PCED1B: variants seen among roughly 807,000 people sequenced by gnomAD.
PCED1B encodes PC-esterase domain-containing protein 1B.
For synonymous variants in PCED1B, 251 were observed against 246.1 expected (o/e 1.02, Z -0.19); for missense variants, 573 against 573.9 (o/e 1.00, Z 0.02).
chr12:47,117,579 T>C (rs997625855), intron 2 of PCED1B, among the ~76,000 whole-genome samples: 8 of 152,216 alleles, frequency 5.3e-5, no homozygotes, highest in Non-Finnish European at 7.3e-5. Flanking sequence ...TGCCACATTT[T>C]CTTAATCCAG....
intron 2 of PCED1B, among the ~76,000 whole-genome samples, chr12:47,163,779 G>A (rs950867401): frequency 5.9e-5 from 9 of 152,144 alleles, no homozygotes; most frequent in Non-Finnish European, 8.8e-5. Flanking sequence ...TCACAATTAT[G>A]TAGGTTGTGA....
In PCED1B at chr12:47,236,353, G is replaced by A. The variant is rs371203659; in HGVS notation, c.1290G>A (p.Arg430=). 51 of 1,595,032 alleles carry A rather than the reference G, an allele frequency of 3.2e-5. No homozygotes were observed. Among genetic ancestry groups the A allele is most frequent in the Admixed American group, 5.4e-5 (3 of 56,004 alleles). The change falls in exon 4 of 4, where the codon AGG becomes AGA. Residue 430 remains arginine (R), a synonymous_variant. Transcript: ENST00000546455. ...KRRAPANPEP[R]PQ The stretch of plus-strand genomic sequence containing the variant: ...GGGCCCCAGCCAATCCTGAGCCAAG[G>A]CCTCAATAGACGGACCTAGGCCTTA...
At chr12:47,172,245 T>C (rs1433349339) in intron 2 of PCED1B, among the ~76,000 whole-genome samples, 2 of 152,112 alleles carry the variant, frequency 1.3e-5, no homozygotes, top group Non-Finnish European at 2.9e-5. Flanking sequence ...GAGATACTTC[T>C]TCCAATTGTT....
intron 2 of PCED1B, among the ~76,000 whole-genome samples, chr12:47,190,165 C>A (rs1942397823): frequency 1.3e-5 from 2 of 152,190 alleles, no homozygotes; most frequent in South Asian, 4.1e-4. Context: ...TTCGTGTAAT[C>A]CTGAGTTGGA....
At chr12:47,128,695 G>A (rs750709574) in intron 2 of PCED1B, among the ~76,000 whole-genome samples, 1 of 152,246 alleles carries the variant, frequency 6.6e-6, no homozygotes, top group Non-Finnish European at 1.5e-5. Context: ...TGCAAAGGAT[G>A]CAGGTGTGGT....
intron 3 of PCED1B, among the ~76,000 whole-genome samples, chr12:47,229,608 C>T (rs1227940538): frequency 6.6e-6 from 1 of 151,914 alleles, no homozygotes; most frequent in East Asian, 1.9e-4. Flanking sequence ...TAATTTTATA[C>T]AATACTTTAA....
Position 47,116,448 on chromosome 12 carries a change from T to C in PCED1B, c.-526+12253T>C, listed in dbSNP as rs1939424337. On this transcript the variant is annotated intron_variant, in intron 2 of 3. Transcript: ENST00000546455. ...CTGTTTTTTGATCTGCTGAAAAAAA[T>C]AGATTGGCATAGAGTTTTTTTCTAG... 2.6e-5 allele frequency among the ~76,000 whole-genome samples: 4 copies of C among 152,138 alleles called. No individual in the cohort carries two copies. The South Asian group carries it at 8.3e-4, about 31-fold the overall frequency.
intron 2 of PCED1B, among the ~76,000 whole-genome samples, chr12:47,152,407 G>A (rs192091436): frequency 3.7e-4 from 56 of 152,202 alleles, no homozygotes; most frequent in African/African-American, 1.3e-3. Flanking sequence ...AACCTCTGTT[G>A]AATCACGAGA....
chr12:47,096,641 A>C (rs575694692), intron 1 of PCED1B, among the ~76,000 whole-genome samples: 1 of 152,300 alleles, frequency 6.6e-6, no homozygotes, highest in Non-Finnish European at 1.5e-5. Context: ...GATTGGATTC[A>C]CTTGCAAAAT....
At chr12:47,224,924 C>G in intron 3 of PCED1B, among the ~76,000 whole-genome samples, 1 of 152,030 alleles carries the variant, frequency 6.6e-6, no homozygotes. Flanking sequence ...TTTGGCAATT[C>G]TTTTTCTTTT....
chr12:47,175,551 A>AGTATGTATGTATGTATGTAT (rs34227779), intron 2 of PCED1B, among the ~76,000 whole-genome samples: 1 of 151,340 alleles, frequency 6.6e-6, no homozygotes, highest in African/African-American at 2.4e-5. Context: ...TACTTCTTTC[A>AGTATGTATGTATGTATGTAT]GTATGTATGT....
intron 3 of PCED1B, among the ~76,000 whole-genome samples, chr12:47,229,489 A>G (rs912836048): frequency 5.9e-5 from 9 of 152,056 alleles, no homozygotes; most frequent in African/African-American, 1.7e-4. Context: ...GTGATTTCAG[A>G]ATATTTGCAT....
intron 3 of PCED1B, among the ~76,000 whole-genome samples, chr12:47,222,443 A>AAAAG (rs1555156330): frequency 6.8e-6 from 1 of 147,122 alleles, no homozygotes; most frequent in African/African-American, 2.6e-5. Flanking sequence ...AAAAAAAAAA[A>AAAAG]AGAGAGAGAA....
intron 2 of PCED1B, among the ~76,000 whole-genome samples, chr12:47,110,379 G>A (rs1249963695): frequency 2.8e-5 from 1 of 35,478 alleles, no homozygotes; most frequent in African/African-American, 5.6e-5. Flanking sequence ...TAATTTTTAC[G>A]CAATCCATAG....
intron 2 of PCED1B, among the ~76,000 whole-genome samples, chr12:47,140,311 T>C (rs1940547125): frequency 6.6e-6 from 1 of 152,174 alleles, no homozygotes; most frequent in Non-Finnish European, 1.5e-5. Context: ...CTAAAATAAA[T>C]CCATAATTTA....
intron 2 of PCED1B, among the ~76,000 whole-genome samples, chr12:47,157,641 T>C (rs1941237254): frequency 6.6e-6 from 1 of 152,218 alleles, no homozygotes; most frequent in Non-Finnish European, 1.5e-5. Flanking sequence ...TGGAAATATA[T>C]GTAACATAAA....
intron 2 of PCED1B, among the ~76,000 whole-genome samples, chr12:47,133,359 A>G (rs1379324142): frequency 6.6e-6 from 1 of 152,184 alleles, no homozygotes; most frequent in Non-Finnish European, 1.5e-5. Flanking sequence ...CTGATGTGGC[A>G]TCCCTTGTCC....
chr12:47,094,633 C>T (rs73286403), intron 1 of PCED1B, among the ~76,000 whole-genome samples: 7 of 151,728 alleles, frequency 4.6e-5, no homozygotes, highest in African/African-American at 1.2e-4. Flanking sequence ...TGATTTATTA[C>T]AGAATTATAC....
At position 47,184,316 on chromosome 12, in the gene PCED1B, G is replaced by C. The variant is rs183307206; in HGVS notation, c.-525-31906G>C. On this transcript the variant is annotated intron_variant, in intron 2 of 3. Coordinates refer to ENST00000546455, the MANE Select transcript of PCED1B (RefSeq NM_138371.3). ...TGGAGACAGTGGTGTGCTGGTAAACGACCAGCTGGGGAAGGGGAGGTGGTT... is the reference window on the plus strand; with the variant it reads ...TGGAGACAGTGGTGTGCTGGTAAACCACCAGCTGGGGAAGGGGAGGTGGTT... Among the ~76,000 whole-genome samples, 481 of 152,268 alleles carry C rather than the reference G, an allele frequency of 3.2e-3. 3 individuals are homozygous for C. The highest frequency in any genetic ancestry group is 8.9e-3 in the African/African-American group (371 of 41,554).
Sources: gnomAD v4.1 joint callset for allele counts (sites outside exome capture counted in the v4.1 genomes callset) on GRCh38, gnomAD v4.1.1 for gene constraint, MANE v1.5 for transcripts, NCBI Gene and HGNC (gene_info 2026-07-23, HGNC 2026-07-21) for gene names.